Variants in CACNA1D observed in about 807,000 individuals in gnomAD.
CACNA1D encodes the protein calcium voltage-gated channel subunit alpha1 D, also known as voltage-dependent L-type calcium channel subunit alpha-1D.
In CACNA1D, 55 loss-of-function variants were observed where a neutral mutation model predicts 257.1. The observed-to-expected ratio is 0.21, with a 90% CI of 0.17 to 0.27. The LOEUF (loss-of-function observed/expected upper bound fraction) is 0.27. Ranked by LOEUF, CACNA1D falls within the 10% of genes least tolerant of loss-of-function variation. The probability of loss-of-function intolerance (pLI) is 1.00; values close to 1 mark genes in which losing one functional copy is unlikely to be tolerated. For missense variants in CACNA1D, 1,876 were observed against 2,784.0 expected, an observed-to-expected ratio of 0.67 and a Z score of 7.34; for synonymous variants, 980 against 1,014.9, an observed-to-expected ratio of 0.97 and a Z score of 0.65.
In CACNA1D at chr3:53,812,168, C is replaced by CTT. The variant is rs1212707771; in HGVS notation, c.*763_*764dup. 1 of 152,134 alleles carries CTT rather than the reference C, an allele frequency of 6.6e-6. No individual in the cohort carries two copies. The highest frequency in any genetic ancestry group is 1.5e-5 in the Non-Finnish European group (1 of 68,034). The allele number at this position is 152,134 out of a possible 1,614,324, so 9.4% of individuals were successfully genotyped here. A position where few individuals can be genotyped will look rare whatever the true frequency, so the allele number is the denominator to read the frequency against. ...AAAATTATAGATTTACTGTACATGACTTGTAATATACTATAATTTGTATTT... is the reference window on the plus strand; with the variant it reads ...AAAATTATAGATTTACTGTACATGACTTTTGTAATATACTATAATTTGTATTT... On this transcript the variant is annotated 3_prime_UTR_variant, in exon 48 of 48. Transcript: ENST00000350061.
intron 5 of CACNA1D, among the ~76,000 whole-genome samples, chr3:53,664,067 G>T (rs190420275): frequency 1.3e-5 from 2 of 152,264 alleles, no homozygotes; most frequent in Admixed American, 1.3e-4. Context: ...CACAAGGGCA[G>T]AAGTAATCAT....
intron 3 of CACNA1D, among the ~76,000 whole-genome samples, chr3:53,572,374 G>GTTTA (rs200926153): frequency 0.012 from 1,719 of 141,616 alleles, 16 homozygotes; most frequent in African/African-American, 0.033. Flanking sequence ...TTGTTTGTTT[G>GTTTA]TTTATTTATT....
At chr3:53,725,994 T>C (rs2094930870) in intron 14 of CACNA1D, among the ~76,000 whole-genome samples, 1 of 152,218 alleles carries the variant, frequency 6.6e-6, no homozygotes, top group Non-Finnish European at 1.5e-5. Flanking sequence ...GTTTTGTAAA[T>C]TTACATGAGA....
At chr3:53,810,815 A>G (rs2095596671) in intron 47 of CACNA1D, among the ~76,000 whole-genome samples, 1 of 149,946 alleles carries the variant, frequency 6.7e-6, no homozygotes, top group Non-Finnish European at 1.5e-5. Context: ...GTCAATTCTC[A>G]TAAATGAGCT....
intron 3 of CACNA1D, among the ~76,000 whole-genome samples, chr3:53,553,780 G>A (rs912462297): frequency 6.1e-4 from 92 of 151,904 alleles, no homozygotes; most frequent in African/African-American, 2.1e-3. Context: ...CTGGCAGTCA[G>A]TCTTTGCATT....
Position 53,811,062 on chromosome 3 carries a change from C to T in CACNA1D, c.6193-51C>T. 1 of 1,481,506 alleles carries T rather than the reference C, an allele frequency of 6.7e-7. No homozygotes were observed. Among genetic ancestry groups the T allele is most frequent in the Non-Finnish European group, 9.4e-7 (1 of 1,059,536 alleles). 91.8% of individuals were successfully genotyped at this position (1,481,506 alleles called of 1,614,324 possible). On this transcript the variant is annotated intron_variant, in intron 47 of 47. Coordinates refer to ENST00000350061, the MANE Select transcript of CACNA1D (RefSeq NM_001128840.3). This position sits in a 1 kb window ranked among gnomAD's most constrained non-coding sequence, Gnocchi z 4.2. ...TTGATTTTTCTGTCGTCCCCCTGCC[C>T]TGCAAAGCCTTATAACACCCCCATG... is the stretch of plus-strand genomic sequence containing the variant.
chr3:53,602,528 C>G (rs1436513403), intron 3 of CACNA1D, among the ~76,000 whole-genome samples: 2 of 152,190 alleles, frequency 1.3e-5, no homozygotes, highest in African/African-American at 4.8e-5. Context: ...TGGGGAACCC[C>G]CATACAGTTT....
chr3:53,613,495 C>T (rs1217759659), intron 3 of CACNA1D, among the ~76,000 whole-genome samples: 1 of 152,150 alleles, frequency 6.6e-6, no homozygotes, highest in Admixed American at 6.5e-5. Context: ...GACACTCCAG[C>T]CCTCAGCATC....
At chr3:53,535,282 G>A (rs904951751) in intron 3 of CACNA1D, among the ~76,000 whole-genome samples, 3 of 152,148 alleles carry the variant, frequency 2.0e-5, no homozygotes, top group Non-Finnish European at 4.4e-5. Flanking sequence ...ACAGCCTCCC[G>A]TCGCCTGTGT....
chr3:53,598,413 T>TA lies in CACNA1D; in HGVS notation c.484-52353dup, dbSNP rs1376541209. ...CAACATGGCACAACACCGTCTCTAC[T>TA]AAAAAAAAAAAAACCCAAAAATTAG... On this transcript the variant is annotated intron_variant, in intron 3 of 47. Coordinates refer to ENST00000350061, the MANE Select transcript of CACNA1D (RefSeq NM_001128840.3). 7.0e-3 allele frequency among the ~76,000 whole-genome samples: 938 copies of TA among 134,780 alleles called. 10 individuals are homozygous for TA. The highest frequency in any genetic ancestry group is 0.066 in the East Asian group (317 of 4,786). 88.4% of individuals were successfully genotyped at this position (134,780 alleles called of 152,430 possible).
chr3:53,685,726 A>T (rs943733672), intron 8 of CACNA1D, among the ~76,000 whole-genome samples: 1 of 152,120 alleles, frequency 6.6e-6, no homozygotes, highest in African/African-American at 2.4e-5. Context: ...AAATAATAAA[A>T]ATTAGAAAAT....
intron 3 of CACNA1D, among the ~76,000 whole-genome samples, chr3:53,542,636 A>T (rs1054612712): frequency 6.6e-6 from 1 of 152,096 alleles, no homozygotes; most frequent in Non-Finnish European, 1.5e-5. Flanking sequence ...TCAGGTCTGG[A>T]TGTAGGGTTA....
chr3:53,763,505 C>T (rs2095315456), intron 30 of CACNA1D, among the ~76,000 whole-genome samples: 1 of 152,142 alleles, frequency 6.6e-6, no homozygotes, highest in South Asian at 2.1e-4. Context: ...TCTTAGTGGG[C>T]GTCCAGTGTG....
In CACNA1D at chr3:53,789,362, CT is replaced by C. The variant is rs2095472349; in HGVS notation, c.4923+2411del. 1.3e-5 allele frequency among the ~76,000 whole-genome samples: 2 copies of C among 152,072 alleles called. No individual in the cohort carries two copies. Among genetic ancestry groups the C allele is most frequent in the South Asian group, 4.1e-4 (2 of 4,820 alleles). On this transcript the variant is annotated intron_variant, in intron 40 of 47. Coordinates refer to ENST00000350061, the MANE Select transcript of CACNA1D (RefSeq NM_001128840.3). This position sits in a 1 kb window ranked among gnomAD's most constrained non-coding sequence, Gnocchi z 4.2. Reference sequence around the variant, plus strand: ...CATTAAACATAGACATTTTTTTTGTCTCCTTGAAGGATAATTCTAATTGCAT... The same window carrying C: ...CATTAAACATAGACATTTTTTTTGTCCCTTGAAGGATAATTCTAATTGCAT...
chr3:53,804,080 A>T (rs1350145276), intron 44 of CACNA1D, among the ~76,000 whole-genome samples: 1 of 152,180 alleles, frequency 6.6e-6, no homozygotes, highest in Non-Finnish European at 1.5e-5. Context: ...CTTCTGTCCT[A>T]CAGAAAGAAT....
intron 8 of CACNA1D, among the ~76,000 whole-genome samples, chr3:53,677,396 G>A (rs1455443259): frequency 5.3e-5 from 8 of 152,254 alleles, no homozygotes; most frequent in African/African-American, 1.7e-4. Context: ...GCGACATCCT[G>A]TCTTGCCGTC....
At chr3:53,730,884 G>A in intron 16 of CACNA1D, 193 bp from the exon 17 acceptor site, 2 of 612,106 alleles carry the variant, frequency 3.3e-6, no homozygotes, top group Non-Finnish European at 5.8e-6. Flanking sequence ...AAGATGGTCT[G>A]TGTAATGAAT....
chr3:53,774,489 C>A lies in CACNA1D; in HGVS notation c.4111-98C>A. ...GCCAGGTACCATGAGAAAACCCTAG[C>A]TGGTAAAGATCAAACCTGAGTTAGT... On this transcript the variant is annotated intron_variant, in intron 33 of 47. Transcript: ENST00000350061. The surrounding 1 kb of genome is among the most constrained non-coding windows in gnomAD (Gnocchi z 4.3). 1 of 775,462 alleles carries A rather than the reference C, an allele frequency of 1.3e-6. No homozygotes were observed. The highest frequency in any genetic ancestry group is 2.3e-6 in the Non-Finnish European group (1 of 430,150). The allele number at this position is 775,462 out of a possible 1,614,324, so 48.0% of individuals were successfully genotyped here.
intron 3 of CACNA1D, among the ~76,000 whole-genome samples, chr3:53,591,073 C>T (rs961879527): frequency 7.2e-5 from 11 of 152,182 alleles, no homozygotes; most frequent in Non-Finnish European, 1.3e-4. Context: ...CCACATCACT[C>T]AGTCCTGCCT....
Sources: allele counts gnomAD v4.1 joint callset (sites outside exome capture counted in the v4.1 genomes callset), GRCh38; gene constraint gnomAD v4.1.1; non-coding constraint Gnocchi (gnomAD v3.1); transcripts MANE v1.5; gene names NCBI Gene and HGNC (gene_info 2026-07-23, HGNC 2026-07-21).